The following HIPK3 variants were observed in gnomAD, a reference collection of about 807,000 sequenced individuals.
HIPK3 encodes homeodomain-interacting protein kinase 3.
Under a neutral mutation model 124.2 loss-of-function variants are expected in HIPK3, and 47 were observed. The ratio of observed to expected loss-of-function variants is 0.38; its 90% CI spans 0.30 to 0.48. HIPK3 has a LOEUF of 0.48. HIPK3 is among the 20% of genes least tolerant of loss of function. HIPK3 has a pLI of 0.98. For synonymous variants in HIPK3, 482 were observed against 515.2 expected (o/e 0.94, Z 0.87); for missense variants, 1,286 against 1,454.3 (o/e 0.88, Z 1.88).
chr11:33,350,743 T>C (rs1368303999), intron 14 of HIPK3, among the ~76,000 whole-genome samples: 1 of 152,072 alleles, frequency 6.6e-6, no homozygotes, highest in Non-Finnish European at 1.5e-5. Context: ...GCAACAAACA[T>C]TTGAAAAATT....
At chr11:33,275,016 GTTGT>G (rs1851234332) in intron 1 of HIPK3, among the ~76,000 whole-genome samples, 1 of 152,062 alleles carries the variant, frequency 6.6e-6, no homozygotes, top group African/African-American at 2.4e-5. Flanking sequence ...ATGTATGGTG[GTTGT>G]TTCTTATATG....
intron 3 of HIPK3, among the ~76,000 whole-genome samples, chr11:33,336,277 A>C (rs1300111343): frequency 6.6e-6 from 1 of 152,194 alleles, no homozygotes; most frequent in Non-Finnish European, 1.5e-5. Flanking sequence ...AGAAGCCCTG[A>C]AGCTGGAGTT....
Position 33,273,512 on chromosome 11 carries a change from C to CAAAAAA in HIPK3, c.-2-12880_-2-12875dup, listed in dbSNP as rs398015727. Among the ~76,000 whole-genome samples the CAAAAAA allele has an allele frequency of 3.7e-4, 18 of 48,028 alleles. 1 individual carries two copies. Among genetic ancestry groups the CAAAAAA allele is most frequent in the African/African-American group, 1.2e-3 (11 of 9,530 alleles). The allele number at this position is 48,028 out of a possible 152,430, so 31.5% of individuals were successfully genotyped here. On this transcript the variant is annotated intron_variant, in intron 1 of 16. Coordinates refer to ENST00000303296, the MANE Select transcript of HIPK3 (RefSeq NM_005734.5). Reference sequence around the variant, plus strand: ...GCGACAGAGTGAGACTCTGTCTCCACAAAAAAAAAAAAAAAAAAAAAAAAA... The same window carrying CAAAAAA: ...GCGACAGAGTGAGACTCTGTCTCCACAAAAAAAAAAAAAAAAAAAAAAAAAAAAAAA...
At chr11:33,330,146 GT>G (rs1852930452) in intron 3 of HIPK3, among the ~76,000 whole-genome samples, 1 of 152,072 alleles carries the variant, frequency 6.6e-6, no homozygotes, top group Non-Finnish European at 1.5e-5. Context: ...CCAAAACTCA[GT>G]TTTTCTAAAT....
chr11:33,295,609 C>A (rs1851823642), intron 2 of HIPK3, among the ~76,000 whole-genome samples: 8 of 152,244 alleles, frequency 5.3e-5, no homozygotes, highest in Admixed American at 5.2e-4. Flanking sequence ...CTCCTTACAT[C>A]TTTCTTTGCC....
intron 1 of HIPK3, among the ~76,000 whole-genome samples, chr11:33,275,322 G>A (rs1851243570): frequency 6.6e-6 from 1 of 152,194 alleles, no homozygotes; most frequent in South Asian, 2.1e-4. Context: ...ACAGGTGTAA[G>A]CCACTGTGCC....
At position 33,348,591 on chromosome 11, in the gene HIPK3, A is replaced by T; in HGVS notation, c.2439A>T (p.Lys813Asn). ...AFISPKIING[K>N]DVEEVSCIET... ...TTTCTCCAAAGATAATTAATGGGAAAGATGTCGAGGAAGTAAGTTGTATAG... is the reference window on the plus strand; with the variant it reads ...TTTCTCCAAAGATAATTAATGGGAATGATGTCGAGGAAGTAAGTTGTATAG... The change falls in exon 13 of 17, where the codon AAA becomes AAT. Residue 813 changes from lysine to asparagine, a missense_variant. Lys to Asn is a moderately conservative substitution (Grantham distance 94, BLOSUM62 0). Coordinates refer to ENST00000303296, the MANE Select transcript of HIPK3 (RefSeq NM_005734.5). The T allele has an allele frequency of 6.2e-7, 1 of 1,613,870 alleles. No homozygotes were observed. Among genetic ancestry groups the T allele is most frequent in the South Asian group, 1.1e-5 (1 of 91,082 alleles).
intron 1 of HIPK3, among the ~76,000 whole-genome samples, chr11:33,279,631 C>G (rs184707335): frequency 6.6e-6 from 1 of 152,122 alleles, no homozygotes; most frequent in Admixed American, 6.5e-5. Context: ...TAGAGTAGTT[C>G]AGATGCGACT....
At chr11:33,285,590 T>C (rs1415074596) in intron 1 of HIPK3, among the ~76,000 whole-genome samples, 3 of 151,034 alleles carry the variant, frequency 2.0e-5, no homozygotes, top group Admixed American at 2.0e-4. Flanking sequence ...TATATATATA[T>C]ATATATAGTT....
At position 33,348,170 on chromosome 11, in the gene HIPK3, A is replaced by AT; in HGVS notation, c.2315dup (p.Leu772PhefsTer21). 6.2e-7 allele frequency: 1 copy of AT among 1,613,912 alleles called. No homozygotes were observed. On this transcript the variant is annotated frameshift_variant, in exon 12 of 17. Coordinates refer to ENST00000303296, the MANE Select transcript of HIPK3 (RefSeq NM_005734.5). LOFTEE classifies it high-confidence loss of function. ...GCTCCCTTCTCAATTTCTCAGAGGT[A>AT]TTTTGGTAAAACTAATGGAATGGGA...
intron 2 of HIPK3, among the ~76,000 whole-genome samples, chr11:33,289,257 G>T (rs1001642097): frequency 2.6e-5 from 4 of 152,020 alleles, no homozygotes; most frequent in African/African-American, 9.7e-5. Context: ...CTGGGCAACA[G>T]AGCGAGACCC....
chr11:33,287,217 G>T lies in HIPK3; in HGVS notation c.803G>T (p.Arg268Leu). Residue 268 changes from arginine to leucine, a missense_variant, in exon 2 of 17, where the codon CGT becomes CTT. Coordinates refer to ENST00000303296, the MANE Select transcript of HIPK3 (RefSeq NM_005734.5). ...FVRAYECFQH[R>L]NHTCLVFEML... ...CGAGCTTATGAATGCTTTCAGCACC[G>T]TAACCATACTTGTTTAGTCTTTGAG... The T allele has an allele frequency of 1.2e-6, 2 of 1,614,082 alleles. No homozygotes were observed. Among genetic ancestry groups the T allele is most frequent in the Non-Finnish European group, 8.5e-7 (1 of 1,180,000 alleles).
At chr11:33,256,676 T>C, upstream of HIPK3, 1 of 977,374 alleles carries the variant, frequency 1.0e-6, no homozygotes, top group Non-Finnish European at 1.2e-6. Context: ...TCTGTTGATT[T>C]CCTAATCTCC....
chr11:33,341,552 CGTT>C lies in HIPK3; in HGVS notation c.1774-7_1774-5del. 6.2e-7 allele frequency: 1 copy of C among 1,602,476 alleles called. No homozygotes were observed. ...AGAAGACTGCTCTATATAATGTGCT[CGTT>C]GTTTCAGGCATTGACCACATCTGCT... On this transcript the variant is annotated splice_region_variant and splice_polypyrimidine_tract_variant and intron_variant, in intron 7 of 16. Transcript: ENST00000303296.
At chr11:33,291,138 GA>G in intron 2 of HIPK3, among the ~76,000 whole-genome samples, 2 of 152,214 alleles carry the variant, frequency 1.3e-5, no homozygotes, top group Middle Eastern at 6.8e-3. Flanking sequence ...AATTTTGCAT[GA>G]AAATGGCAGA....
At chr11:33,301,619 T>TAA (rs76292557) in intron 2 of HIPK3, among the ~76,000 whole-genome samples, 61 of 91,056 alleles carry the variant, frequency 6.7e-4, no homozygotes, top group Admixed American at 1.3e-3. Flanking sequence ...CCCATCTCTA[T>TAA]AAAAAAAAAA....
intron 2 of HIPK3, among the ~76,000 whole-genome samples, chr11:33,301,619 T>TAAAA (rs76292557): frequency 1.1e-5 from 1 of 91,130 alleles, no homozygotes; most frequent in Non-Finnish European, 2.3e-5. Context: ...CCCATCTCTA[T>TAAAA]AAAAAAAAAA....
At position 33,327,456 on chromosome 11, in the gene HIPK3, A is replaced by G. The variant is rs143972266; in HGVS notation, c.1098-1054A>G. Among the ~76,000 whole-genome samples, 1,260 of 152,348 alleles carry G rather than the reference A, an allele frequency of 8.3e-3. 7 individuals carry two copies. The highest frequency in any genetic ancestry group is 0.013 in the Non-Finnish European group (860 of 68,022). Reference sequence around the variant, plus strand: ...AAAGACTGAAAGAGATAGGACAACTAGATGCAATGCATGATCCTGAGTTGG... The same window carrying G: ...AAAGACTGAAAGAGATAGGACAACTGGATGCAATGCATGATCCTGAGTTGG... On this transcript the variant is annotated intron_variant, in intron 2 of 16. Transcript: ENST00000303296.
At chr11:33,341,498 T>C in intron 7 of HIPK3, 65 bp from the exon 8 acceptor site, 1 of 1,385,078 alleles carries the variant, frequency 7.2e-7, no homozygotes, top group Non-Finnish European at 9.6e-7. Context: ...GTGTTTGAAT[T>C]CTATTTATAC....
Sources: gnomAD v4.1 joint callset for allele counts (sites outside exome capture counted in the v4.1 genomes callset) on GRCh38, gnomAD v4.1.1 for gene constraint, MANE v1.5 for transcripts, NCBI Gene and HGNC (gene_info 2026-07-23, HGNC 2026-07-21) for gene names.